Variants in TAFA1 observed in about 807,000 individuals in gnomAD.
The protein encoded by TAFA1 is chemokine-like protein TAFA-1.
In TAFA1, 4 loss-of-function variants were observed where a neutral mutation model predicts 18.5. The observed-to-expected ratio is 0.22, with a 90% CI of 0.11 to 0.49. TAFA1 has a LOEUF of 0.49. Ranked by LOEUF, TAFA1 falls within the 20% of genes least tolerant of loss-of-function variation. The pLI is 0.98. For synonymous variants in TAFA1, 56 were observed against 55.2 expected (o/e 1.01, Z -0.06); for missense variants, 147 against 169.0 (o/e 0.87, Z 0.72).
At chr3:68,161,569 TTAAAAA>T (rs1267240654) in intron 2 of TAFA1, among the ~76,000 whole-genome samples, 1 of 152,226 alleles carries the variant, frequency 6.6e-6, no homozygotes, top group East Asian at 1.9e-4. Flanking sequence ...TCCAAAATAC[TTAAAAA>T]TATAATTCAT....
intron 2 of TAFA1, among the ~76,000 whole-genome samples, chr3:68,276,827 T>A (rs1328799867): frequency 6.6e-6 from 1 of 152,156 alleles, no homozygotes; most frequent in Non-Finnish European, 1.5e-5. Flanking sequence ...AAAGGTTTGA[T>A]ATGCAATATG....
At chr3:68,082,458 G>C (rs2064917402) in intron 2 of TAFA1, among the ~76,000 whole-genome samples, 1 of 152,180 alleles carries the variant, frequency 6.6e-6, no homozygotes, top group Non-Finnish European at 1.5e-5. Context: ...CTGTCTGATA[G>C]ACATGAGGTC....
At chr3:68,532,195 C>T (rs1390155915) in intron 3 of TAFA1, among the ~76,000 whole-genome samples, 2 of 152,116 alleles carry the variant, frequency 1.3e-5, no homozygotes, top group East Asian at 1.9e-4. Context: ...GATTTTACAG[C>T]ACCCTGAGGT....
intron 2 of TAFA1, among the ~76,000 whole-genome samples, chr3:68,049,827 A>G (rs1247075691): frequency 7.9e-5 from 12 of 151,756 alleles, no homozygotes; most frequent in Admixed American, 6.6e-4. Context: ...TTTTTTTTCC[A>G]CCCTCAAATG....
intron 2 of TAFA1, among the ~76,000 whole-genome samples, chr3:68,035,087 A>G (rs1705017571): frequency 6.6e-6 from 1 of 152,100 alleles, no homozygotes; most frequent in Non-Finnish European, 1.5e-5. Context: ...TTGGCCTTTT[A>G]AAAAAGTCAA....
intron 2 of TAFA1, among the ~76,000 whole-genome samples, chr3:68,277,882 A>C (rs1413739289): frequency 6.6e-6 from 1 of 152,200 alleles, no homozygotes; most frequent in Non-Finnish European, 1.5e-5. Context: ...CAATACATTT[A>C]GCCATAAGTC....
intron 3 of TAFA1, among the ~76,000 whole-genome samples, chr3:68,447,271 G>T (rs2071485690): frequency 6.6e-6 from 1 of 152,130 alleles, no homozygotes; most frequent in Non-Finnish European, 1.5e-5. Context: ...CTGAGATGTA[G>T]AAAACTAAAA....
chr3:68,527,539 A>T (rs1440565495), intron 3 of TAFA1, among the ~76,000 whole-genome samples: 2 of 152,182 alleles, frequency 1.3e-5, no homozygotes, highest in African/African-American at 2.4e-5. Context: ...TGGTTAAATT[A>T]CTTCATCAAT....
At chr3:68,104,571 T>G (rs939998840) in intron 2 of TAFA1, among the ~76,000 whole-genome samples, 1 of 151,944 alleles carries the variant, frequency 6.6e-6, no homozygotes, top group Admixed American at 6.6e-5. Context: ...TTTGAGGGAG[T>G]GGAACTAAAG....
intron 2 of TAFA1, among the ~76,000 whole-genome samples, chr3:68,266,382 G>T (rs1255165832): frequency 6.6e-6 from 1 of 152,090 alleles, no homozygotes; most frequent in Non-Finnish European, 1.5e-5. Flanking sequence ...AAACATAACT[G>T]CTGTCTTTAC....
intron 2 of TAFA1, among the ~76,000 whole-genome samples, chr3:68,370,439 T>TAC (rs2069671314): frequency 1.1e-5 from 1 of 87,922 alleles, no homozygotes; most frequent in Non-Finnish European, 2.2e-5. Context: ...CACATATATA[T>TAC]ACATATGTAT....
At chr3:68,203,531 A>C (rs1300693760) in intron 2 of TAFA1, among the ~76,000 whole-genome samples, 1 of 151,652 alleles carries the variant, frequency 6.6e-6, no homozygotes, top group Non-Finnish European at 1.5e-5. Flanking sequence ...AGATCTTAAT[A>C]AGGTGGTGGC....
intron 2 of TAFA1, among the ~76,000 whole-genome samples, chr3:68,163,247 A>G (rs908809700): frequency 5.3e-5 from 8 of 152,222 alleles, no homozygotes; most frequent in Admixed American, 2.0e-4. Flanking sequence ...GAAAAATCAC[A>G]GGGTGACTCC....
At chr3:68,002,923 G>C (rs1008430304), upstream of TAFA1, among the ~76,000 whole-genome samples, 1 of 152,180 alleles carries the variant, frequency 6.6e-6, no homozygotes, top group Non-Finnish European at 1.5e-5. Context: ...CTAGCATCTG[G>C]TGAAGGTTTG....
At chr3:68,277,198 C>G (rs1371745635) in intron 2 of TAFA1, among the ~76,000 whole-genome samples, 1 of 152,074 alleles carries the variant, frequency 6.6e-6, no homozygotes, top group Non-Finnish European at 1.5e-5. Flanking sequence ...AGAATCATAC[C>G]AGGACACCTA....
At chr3:68,041,191 T>A (rs9881594) in intron 2 of TAFA1, among the ~76,000 whole-genome samples, 4 of 152,066 alleles carry the variant, frequency 2.6e-5, no homozygotes, top group South Asian at 2.1e-4. Context: ...GTTGCTCTTC[T>A]TCCACCTTGT....
At chr3:68,334,264 T>G (rs995754728) in intron 2 of TAFA1, among the ~76,000 whole-genome samples, 4 of 152,226 alleles carry the variant, frequency 2.6e-5, no homozygotes, top group Admixed American at 2.0e-4. Flanking sequence ...CATTTATACA[T>G]GTTTTCCTTT....
At chr3:68,148,129 T>C (rs949970231) in intron 2 of TAFA1, among the ~76,000 whole-genome samples, 2 of 152,210 alleles carry the variant, frequency 1.3e-5, no homozygotes, top group African/African-American at 2.4e-5. Context: ...TTTGTCTAAT[T>C]AATAGCCACA....
intron 2 of TAFA1, among the ~76,000 whole-genome samples, chr3:68,082,313 C>T (rs1213002151): frequency 1.3e-5 from 2 of 152,222 alleles, no homozygotes; most frequent in African/African-American, 2.4e-5. Context: ...GGAGCTGTTC[C>T]TATTCGGCCA....
Sources: gnomAD v4.1 joint callset for allele counts (sites outside exome capture counted in the v4.1 genomes callset) on GRCh38, gnomAD v4.1.1 for gene constraint, MANE v1.5 for transcripts, NCBI Gene and HGNC (gene_info 2026-07-23, HGNC 2026-07-21) for gene names.